Variants in FRMPD4 observed in about 807,000 individuals in gnomAD.
FRMPD4 encodes the protein FERM and PDZ domain containing 4, also known as FERM and PDZ domain-containing protein 4.
Under a neutral mutation model 94.1 loss-of-function variants are expected in FRMPD4, and 22 were observed. The observed-to-expected ratio is 0.23, with a 90% CI of 0.17 to 0.33. The LOEUF (loss-of-function observed/expected upper bound fraction) is 0.33. Among genes scored for constraint, FRMPD4 ranks in the 10% least tolerant of loss-of-function variants. The pLI is 1.00. For synonymous variants in FRMPD4, 631 were observed against 548.6 expected (o/e 1.15, Z -2.10); for missense variants, 1,111 against 1,339.9 (o/e 0.83, Z 2.67).
At chrX:11,971,961 C>T (rs886712207) in intron 3 of FRMPD4, among the ~76,000 whole-genome samples, 7 of 111,706 alleles carry the variant, frequency 6.3e-5, no homozygotes, top group Non-Finnish European at 1.3e-4. Context: ...TGAACAGATG[C>T]CCCTATTCTC....
At chrX:12,272,529 G>A (rs756248795) in intron 1 of FRMPD4, among the ~76,000 whole-genome samples, 1 of 111,374 alleles carries the variant, frequency 9.0e-6, no homozygotes, top group Non-Finnish European at 1.9e-5. Flanking sequence ...TGATTATGGT[G>A]GTTGGGCCTA....
chrX:12,717,736 C>T lies in FRMPD4; in HGVS notation c.2910C>T (p.Ala970=). The T allele has an allele frequency of 8.3e-7, 1 of 1,211,700 alleles. No individual in the cohort carries two copies. Among genetic ancestry groups the T allele is most frequent in the Non-Finnish European group, 1.1e-6 (1 of 895,131 alleles). ...AGGLPPKSSH[A]LAARPATDLP... is the part of the protein sequence containing the mutation. The stretch of plus-strand genomic sequence containing the variant: ...GCTTGCCTCCAAAGTCCTCGCACGC[C>T]CTGGCTGCTAGGCCAGCAACCGACC... Residue 970 remains alanine, a synonymous_variant, in exon 16 of 17, where the codon GCC becomes GCT. Coordinates refer to ENST00000675598, the MANE Select transcript of FRMPD4 (RefSeq NM_001368397.1).
intron 1 of FRMPD4, among the ~76,000 whole-genome samples, chrX:12,467,183 C>CAA (rs34527820): frequency 0.021 from 1,709 of 81,191 alleles, 25 homozygotes; most frequent in Non-Finnish European, 0.031. Flanking sequence ...AATGTAGTCT[C>CAA]AAAAAAAAAA....
chrX:12,258,640 T>G (rs1466562417), intron 1 of FRMPD4, among the ~76,000 whole-genome samples: 2 of 111,644 alleles, frequency 1.8e-5, no homozygotes, highest in Non-Finnish European at 3.8e-5. Flanking sequence ...TCACCATAGA[T>G]CTCCTGTATT....
At position 12,627,475 on chromosome X, in the gene FRMPD4, C is replaced by T. The variant is rs143955088; in HGVS notation, c.422+12594C>T. Among the ~76,000 whole-genome samples, 29 of 111,589 alleles carry T rather than the reference C, an allele frequency of 2.6e-4. No individual in the cohort carries two copies. In the East Asian group the frequency reaches 7.0e-3, roughly 27 times the overall value. On this transcript the variant is annotated intron_variant, in intron 4 of 16. Transcript: ENST00000675598. ...ACCTCATACACACTTGCAGCATACA[C>T]GTTTTCTGATAATTGCAAATTACAG...
At chrX:12,316,510 C>T (rs754118480) in intron 1 of FRMPD4, among the ~76,000 whole-genome samples, 5 of 111,873 alleles carry the variant, frequency 4.5e-5, no homozygotes, top group African/African-American at 6.5e-5. Context: ...TATTCTCAAC[C>T]ATTGTGTGTT....
At chrX:12,504,689 G>C (rs2057960277) in intron 2 of FRMPD4, among the ~76,000 whole-genome samples, 1 of 112,096 alleles carries the variant, frequency 8.9e-6, no homozygotes, top group Non-Finnish European at 1.9e-5. Context: ...TTGATGGAAG[G>C]GCTTTTAACA....
chrX:12,418,382 A>T (rs2056838557), intron 1 of FRMPD4, among the ~76,000 whole-genome samples: 2 of 86,536 alleles, frequency 2.3e-5, no homozygotes, highest in Admixed American at 1.5e-4. Flanking sequence ...TTTTTGAGAT[A>T]GAGTCTCGCT....
At chrX:12,241,910 T>G (rs995527625) in intron 1 of FRMPD4, among the ~76,000 whole-genome samples, 6 of 83,756 alleles carry the variant, frequency 7.2e-5, no homozygotes, top group African/African-American at 2.3e-4. Context: ...CTAAAAAAAA[T>G]AAGAAGAAGA....
At chrX:12,646,182 TATA>T (rs1226711594) in intron 4 of FRMPD4, among the ~76,000 whole-genome samples, 1 of 112,332 alleles carries the variant, frequency 8.9e-6, no homozygotes, top group East Asian at 2.8e-4. Context: ...GTAATCTTTA[TATA>T]ATGTTTCATG....
chrX:12,223,737 A>T (rs756838708), intron 1 of FRMPD4, among the ~76,000 whole-genome samples: 88 of 112,104 alleles, frequency 7.8e-4, no homozygotes, highest in Non-Finnish European at 1.4e-3. Flanking sequence ...TGTCTTTATT[A>T]TAGCCATTCT....
chrX:12,048,469 G>T (rs757082598), intron 3 of FRMPD4, among the ~76,000 whole-genome samples: 105 of 111,862 alleles, frequency 9.4e-4, no homozygotes, highest in African/African-American at 3.4e-3. Flanking sequence ...AGTTTCTTTT[G>T]CTGTGCAGAA....
intron 3 of FRMPD4, among the ~76,000 whole-genome samples, chrX:12,046,875 CTG>C (rs1312062213): frequency 9.0e-6 from 1 of 111,259 alleles, no homozygotes; most frequent in African/African-American, 3.3e-5. Flanking sequence ...CCTTCAGTCT[CTG>C]TTCCCTCCTT....
chrX:12,012,190 C>T (rs59145987), intron 3 of FRMPD4, among the ~76,000 whole-genome samples: 6,293 of 111,412 alleles, frequency 0.056, 467 homozygotes, highest in African/African-American at 0.19. Context: ...TGAGCCACTG[C>T]GCCCAGCCCT....
At chrX:12,521,217 C>T (rs1278216551) in intron 2 of FRMPD4, among the ~76,000 whole-genome samples, 1 of 112,056 alleles carries the variant, frequency 8.9e-6, no homozygotes, top group East Asian at 2.8e-4. Context: ...TGCAGACTCC[C>T]GTTCTAGAGA....
chrX:12,482,641 G>A (rs2057700270), intron 1 of FRMPD4, among the ~76,000 whole-genome samples: 2 of 112,090 alleles, frequency 1.8e-5, no homozygotes, highest in Non-Finnish European at 3.8e-5. Flanking sequence ...CATGAACCAT[G>A]TATGTTATTT....
At chrX:12,428,076 A>T (rs2056971095) in intron 1 of FRMPD4, among the ~76,000 whole-genome samples, 2 of 107,537 alleles carry the variant, frequency 1.9e-5, no homozygotes, top group African/African-American at 6.8e-5. Context: ...TGCCCAGCTA[A>T]TTTTTTTTGC....
rs1003267172 is a variant in FRMPD4, at chrX:12,455,419, T to G, written c.42-43261T>G. ...TTGTGTAGAGTATAAAATGGGAGAC[T>G]CTGGTGATAGATTGCTATTGCCCAG... On this transcript the variant is annotated intron_variant, in intron 1 of 16. Transcript: ENST00000675598. Among the ~76,000 whole-genome samples the G allele has an allele frequency of 6.0e-4, 67 of 111,942 alleles. 2 individuals carry two copies. The highest frequency in any genetic ancestry group is 1.1e-4 in the Non-Finnish European group (6 of 53,176).
At chrX:12,487,348 A>C (rs1293929867) in intron 1 of FRMPD4, among the ~76,000 whole-genome samples, 1 of 112,561 alleles carries the variant, frequency 8.9e-6, no homozygotes, top group African/African-American at 3.2e-5. Flanking sequence ...CTGTATGAAC[A>C]AAACAAAAAT....
Sources: gnomAD v4.1 joint callset for allele counts (sites outside exome capture counted in the v4.1 genomes callset) on GRCh38, gnomAD v4.1.1 for gene constraint, MANE v1.5 for transcripts, NCBI Gene and HGNC (gene_info 2026-07-23, HGNC 2026-07-21) for gene names.